Variants in MGST3 observed in about 807,000 individuals in gnomAD.
MGST3 encodes microsomal glutathione S-transferase 3.
A neutral mutation model predicts 15.8 loss-of-function variants in MGST3; 13 were observed. That is an observed-to-expected ratio of 0.82 (90% CI 0.54 to 1.31). The LOEUF (loss-of-function observed/expected upper bound fraction) is 1.31. MGST3 is among the 50% of genes most tolerant of loss of function. The pLI, the probability that MGST3 is intolerant of heterozygous loss-of-function variation, is 0.00. For synonymous variants in MGST3, 49 were observed against 68.1 expected, an observed-to-expected ratio of 0.72 and a Z score of 1.38; for missense variants, 155 against 192.4, an observed-to-expected ratio of 0.81 and a Z score of 1.15.
chr1:165,654,703 A>T (rs1420808100), intron 5 of MGST3, among the ~76,000 whole-genome samples: 1 of 152,140 alleles, frequency 6.6e-6, no homozygotes, highest in Non-Finnish European at 1.5e-5. Context: ...AAAAAAATAA[A>T]ATCTTATGCT....
intron 1 of MGST3, among the ~76,000 whole-genome samples, chr1:165,644,455 C>T (rs956921842): frequency 4.2e-4 from 64 of 152,118 alleles, no homozygotes; most frequent in African/African-American, 1.5e-3. Context: ...AATGGTACAC[C>T]TGTAGAAGGC....
At chr1:165,633,139 C>T (rs536471835) in intron 1 of MGST3, among the ~76,000 whole-genome samples, 3 of 152,136 alleles carry the variant, frequency 2.0e-5, no homozygotes, top group African/African-American at 7.2e-5. Flanking sequence ...GTAAGCTTAC[C>T]ATCTTCCTGA....
At chr1:165,651,127 A>G (rs1392492206) in intron 3 of MGST3, 40 bp downstream of exon 3, 4 of 1,578,888 alleles carry the variant, frequency 2.5e-6, no homozygotes, top group African/African-American at 2.7e-5. Flanking sequence ...ACATCTGCAG[A>G]GTGGGTGTTT....
Position 165,637,895 on chromosome 1 carries a change from T to C in MGST3, c.-8+6602T>C, listed in dbSNP as rs543065966. ...TGTGTTGTAGCTTACTTAAAACCCA[T>C]TGGGTGTCTGCTAACTCTGGCTACA... On this transcript the variant is annotated intron_variant, in intron 1 of 5. Transcript: ENST00000367889. Among the ~76,000 whole-genome samples the C allele has an allele frequency of 1.1e-4, 17 of 152,240 alleles. No individual in the cohort carries two copies. In the East Asian group the frequency reaches 1.9e-3, roughly 17 times the overall value.
At chr1:165,633,964 C>T (rs1648030585) in intron 1 of MGST3, among the ~76,000 whole-genome samples, 1 of 151,790 alleles carries the variant, frequency 6.6e-6, no homozygotes, top group African/African-American at 2.4e-5. Flanking sequence ...CTTCTTTTGT[C>T]ATACTGCAGT....
intron 2 of MGST3, chr1:165,650,788 A>G (rs187055209): frequency 1.6e-5 from 9 of 548,842 alleles, no homozygotes; most frequent in African/African-American, 1.5e-4. Context: ...GTGCAACTAC[A>G]GCGCAGACAT....
intron 4 of MGST3, among the ~76,000 whole-genome samples, chr1:165,652,785 T>C (rs974585725): frequency 2.0e-5 from 3 of 151,976 alleles, no homozygotes; most frequent in Non-Finnish European, 2.9e-5. Context: ...GGCAGAGGGG[T>C]GATGAGGCAG....
chr1:165,645,528 T>C (rs989250393), intron 1 of MGST3: 3 of 152,194 alleles, frequency 2.0e-5, no homozygotes, highest in Non-Finnish European at 4.4e-5. Flanking sequence ...AAGTATAGTA[T>C]AGTAACTACA....
chr1:165,632,078 G>A, intron 1 of MGST3: 2 of 617,578 alleles, frequency 3.2e-6, no homozygotes, highest in East Asian at 5.5e-5. Context: ...CCGAAGTTGT[G>A]GCTTCTGCTG....
intron 4 of MGST3, among the ~76,000 whole-genome samples, chr1:165,652,406 C>G (rs1194438580): frequency 1.3e-5 from 2 of 152,172 alleles, no homozygotes; most frequent in Non-Finnish European, 2.9e-5. Context: ...AAGCAGTGAT[C>G]AAAGCAGACA....
intron 1 of MGST3, among the ~76,000 whole-genome samples, chr1:165,631,686 G>GT (rs9333373): frequency 6.6e-6 from 1 of 151,752 alleles, no homozygotes; most frequent in African/African-American, 2.4e-5. Flanking sequence ...CGCAGAGGAT[G>GT]GCGAGCCGGA....
intron 1 of MGST3, among the ~76,000 whole-genome samples, chr1:165,642,033 CT>C (rs1186625115): frequency 6.6e-6 from 1 of 151,592 alleles, no homozygotes; most frequent in Non-Finnish European, 1.5e-5. Flanking sequence ...AATAGAAACT[CT>C]TTCATCCTAT....
chr1:165,643,620 C>G (rs1227118398), intron 1 of MGST3, among the ~76,000 whole-genome samples: 1 of 151,078 alleles, frequency 6.6e-6, no homozygotes, highest in African/African-American at 2.4e-5. Context: ...AATCCCAGTA[C>G]TTTGAGAGGC....
intron 3 of MGST3, 79 bp from the exon 4 acceptor site, chr1:165,651,892 CAAAAAAA>C (rs58194137): frequency 8.5e-6 from 4 of 469,008 alleles, no homozygotes; most frequent in South Asian, 2.1e-5. Flanking sequence ...CACTCCGTCT[CAAAAAAA>C]AAAAAAAAAA....
intron 1 of MGST3, among the ~76,000 whole-genome samples, chr1:165,638,819 T>G: frequency 6.6e-6 from 1 of 150,692 alleles, no homozygotes. Context: ...ACCCACATTC[T>G]AGAAATAATT....
At chr1:165,654,200 T>G in intron 4 of MGST3, 79 bp from the exon 5 acceptor site, 1 of 1,346,728 alleles carries the variant, frequency 7.4e-7, no homozygotes, top group Non-Finnish European at 1.1e-6. Flanking sequence ...TGCTAACATA[T>G]TGTGTAATCA....
At chr1:165,642,986 G>GT (rs1256563594) in intron 1 of MGST3, among the ~76,000 whole-genome samples, 2 of 152,034 alleles carry the variant, frequency 1.3e-5, no homozygotes, top group Non-Finnish European at 2.9e-5. Flanking sequence ...GCCACTCTAA[G>GT]TTTTTTTAGA....
chr1:165,638,063 C>G (rs1648162132), intron 1 of MGST3, among the ~76,000 whole-genome samples: 1 of 152,180 alleles, frequency 6.6e-6, no homozygotes, highest in Admixed American at 6.6e-5. Context: ...ACCCTGCTTG[C>G]TTCAAAATAC....
chr1:165,640,391 A>T (rs926935573), intron 1 of MGST3, among the ~76,000 whole-genome samples: 2 of 152,030 alleles, frequency 1.3e-5, no homozygotes, highest in Admixed American at 6.6e-5. Flanking sequence ...GGAGCACCTC[A>T]GGAGCCTCCA....
Sources: gnomAD v4.1 joint callset for allele counts (sites outside exome capture counted in the v4.1 genomes callset) on GRCh38, gnomAD v4.1.1 for gene constraint, MANE v1.5 for transcripts, NCBI Gene and HGNC (gene_info 2026-07-23, HGNC 2026-07-21) for gene names.